CDK19: variants seen among roughly 807,000 people sequenced by gnomAD.
The protein encoded by CDK19 is cyclin dependent kinase 19, also known as cyclin-dependent kinase 19.
Under a neutral mutation model 68.3 loss-of-function variants are expected in CDK19, and 20 were observed. The observed-to-expected ratio is 0.29, with a 90% confidence interval of 0.21 to 0.43. The LOEUF is 0.43. Among genes scored for constraint, CDK19 ranks in the 20% least tolerant of loss-of-function variants. CDK19 has a pLI of 1.00. For missense variants in CDK19, 339 were observed against 623.5 expected, an observed-to-expected ratio of 0.54 and a Z score of 4.86; for synonymous variants, 221 against 222.8, an observed-to-expected ratio of 0.99 and a Z score of 0.07.
chr6:110,613,251 C>T lies in CDK19; in HGVS notation c.*1284G>A, dbSNP rs990407353. On this transcript the variant is annotated 3_prime_UTR_variant, in exon 13 of 13. Coordinates refer to ENST00000368911, the MANE Select transcript of CDK19 (RefSeq NM_015076.5). ...TTGTCTAGTATAGTCTTATACTATCCGCCCATAGTTTTTAGGCACAATTAT... is the reference window on the plus strand; with the variant it reads ...TTGTCTAGTATAGTCTTATACTATCTGCCCATAGTTTTTAGGCACAATTAT... 3 of 152,522 alleles carry T rather than the reference C, an allele frequency of 2.0e-5. No homozygotes were observed. The highest frequency in any genetic ancestry group is 6.6e-5 in the Admixed American group (1 of 15,264). 9.4% of individuals were successfully genotyped at this position (152,522 alleles called of 1,614,324 possible).
At chr6:110,711,409 T>A (rs751732838) in intron 2 of CDK19, among the ~76,000 whole-genome samples, 1 of 152,234 alleles carries the variant, frequency 6.6e-6, no homozygotes, top group Non-Finnish European at 1.5e-5. Context: ...GTATTTGAAT[T>A]ATTTAAGTCT....
intron 8 of CDK19, among the ~76,000 whole-genome samples, chr6:110,624,068 G>C (rs944698631): frequency 2.6e-5 from 4 of 151,694 alleles, no homozygotes; most frequent in Admixed American, 1.3e-4. Context: ...AGGAGAAAAA[G>C]CAAGTTGCAG....
intron 1 of CDK19, among the ~76,000 whole-genome samples, chr6:110,759,312 G>A (rs1779033712): frequency 6.7e-6 from 1 of 149,598 alleles, no homozygotes; most frequent in Non-Finnish European, 1.5e-5. Flanking sequence ...GGCTGAGGCA[G>A]GAGGATGGCG....
chr6:110,759,128 T>C (rs1562264640), intron 1 of CDK19, among the ~76,000 whole-genome samples: 2 of 151,508 alleles, frequency 1.3e-5, no homozygotes, highest in East Asian at 1.9e-4. Flanking sequence ...TGGCCAGGCA[T>C]GGTGGCTCAC....
chr6:110,642,538 C>A (rs948175226), intron 4 of CDK19, among the ~76,000 whole-genome samples: 3 of 152,134 alleles, frequency 2.0e-5, no homozygotes, highest in Admixed American at 6.6e-5. Flanking sequence ...TACAACATAT[C>A]ATATACTGAT....
intron 1 of CDK19, among the ~76,000 whole-genome samples, chr6:110,779,151 T>C (rs1303847325): frequency 6.6e-6 from 1 of 152,194 alleles, no homozygotes; most frequent in African/African-American, 2.4e-5. Context: ...CATGATTCCT[T>C]ATCTTTCATG....
intron 6 of CDK19, among the ~76,000 whole-genome samples, chr6:110,630,803 A>C (rs2691180): frequency 0.22 from 33,638 of 152,150 alleles, 3,908 homozygotes; most frequent in African/African-American, 0.29. Flanking sequence ...TAATTTAACA[A>C]AACTATTCAG....
chr6:110,772,718 C>A (rs982118613), intron 1 of CDK19, among the ~76,000 whole-genome samples: 5 of 152,068 alleles, frequency 3.3e-5, no homozygotes, highest in African/African-American at 1.2e-4. Context: ...TAAAGCAAGA[C>A]CCTGTCTCTA....
intron 6 of CDK19, among the ~76,000 whole-genome samples, chr6:110,628,826 T>C (rs947073056): frequency 6.6e-6 from 1 of 152,234 alleles, no homozygotes; most frequent in Non-Finnish European, 1.5e-5. Context: ...TTCTGGATAA[T>C]GGAAACATAT....
chr6:110,611,474 C>A lies in CDK19; in HGVS notation c.*3061G>T, dbSNP rs1049716450. 1 of 152,182 alleles carries A rather than the reference C, an allele frequency of 6.6e-6. No homozygotes were observed. The highest frequency in any genetic ancestry group is 1.5e-5 in the Non-Finnish European group (1 of 68,056). 9.4% of individuals were successfully genotyped at this position (152,182 alleles called of 1,614,324 possible). ...CTTAGAGGTCCCACGGTTTGAGGGC[C>A]CTTACGTGTGTTAAAAAGGCTTTGT... On this transcript the variant is annotated 3_prime_UTR_variant, in exon 13 of 13. Coordinates refer to ENST00000368911, the MANE Select transcript of CDK19 (RefSeq NM_015076.5).
intron 2 of CDK19, among the ~76,000 whole-genome samples, chr6:110,714,803 G>A (rs777820695): frequency 1.4e-4 from 20 of 147,174 alleles, no homozygotes; most frequent in Admixed American, 3.4e-4. Flanking sequence ...GCACAACCTC[G>A]GCTCACTGCA....
chr6:110,784,158 C>CAAAAA (rs1170140844), intron 1 of CDK19, among the ~76,000 whole-genome samples: 1 of 61,446 alleles, frequency 1.6e-5, no homozygotes, highest in African/African-American at 5.7e-5. Flanking sequence ...GACTTCGTCT[C>CAAAAA]AAAAAAAAAA....
chr6:110,781,649 T>C (rs1780831605), intron 1 of CDK19, among the ~76,000 whole-genome samples: 1 of 151,164 alleles, frequency 6.6e-6, no homozygotes, highest in Non-Finnish European at 1.5e-5. Context: ...TCAAGACGAG[T>C]CTGGGCAACA....
At chr6:110,701,562 A>G (rs1327922704) in intron 2 of CDK19, among the ~76,000 whole-genome samples, 1 of 151,984 alleles carries the variant, frequency 6.6e-6, no homozygotes, top group Non-Finnish European at 1.5e-5. Flanking sequence ...AAAAAAAAAA[A>G]AAGAAAAATA....
At chr6:110,720,365 C>T (rs928526548) in intron 2 of CDK19, among the ~76,000 whole-genome samples, 9 of 152,108 alleles carry the variant, frequency 5.9e-5, no homozygotes, top group Admixed American at 4.6e-4. Flanking sequence ...CATAGTGGCT[C>T]GTGGAGCTTC....
rs192746834 is a variant in CDK19, at chr6:110,714,773, G to A, written c.204+31353C>T. 1.1e-3 allele frequency among the ~76,000 whole-genome samples: 151 copies of A among 132,614 alleles called. 1 individual carries two copies. Among genetic ancestry groups the A allele is most frequent in the African/African-American group, 4.2e-3 (143 of 34,174 alleles). The allele number at this position is 132,614 out of a possible 152,430, so 87.0% of individuals were successfully genotyped here. On this transcript the variant is annotated intron_variant, in intron 2 of 12. Transcript: ENST00000368911. The stretch of plus-strand genomic sequence containing the variant: ...TTTTGAGATGGAGTCTCACTCTGTC[G>A]CCCAGGCTAGAGCACAGTGGCACAA...
intron 1 of CDK19, among the ~76,000 whole-genome samples, chr6:110,769,576 A>T: frequency 6.7e-6 from 1 of 150,304 alleles, no homozygotes; most frequent in South Asian, 2.1e-4. Flanking sequence ...AAAAAAAAAA[A>T]AAATAATAAT....
At chr6:110,645,556 A>G (rs1459165416) in intron 4 of CDK19, 1 of 167,368 alleles carries the variant, frequency 6.0e-6, no homozygotes, top group Non-Finnish European at 1.3e-5. Context: ...AAGTAGAAAG[A>G]TAAAGGGTAG....
intron 2 of CDK19, among the ~76,000 whole-genome samples, chr6:110,682,862 T>G (rs1014470030): frequency 1.3e-5 from 2 of 151,956 alleles, no homozygotes; most frequent in Admixed American, 1.3e-4. Context: ...AAGAATAAAT[T>G]AATATAAATA....
Sources: allele counts gnomAD v4.1 joint callset (sites outside exome capture counted in the v4.1 genomes callset), GRCh38; gene constraint gnomAD v4.1.1; transcripts MANE v1.5; gene names NCBI Gene and HGNC (gene_info 2026-07-23, HGNC 2026-07-21).